The following MRPL1 variants were observed in gnomAD, a reference collection of about 807,000 sequenced individuals.
MRPL1 encodes the protein large ribosomal subunit protein uL1m.
In MRPL1, 28 loss-of-function variants were observed where a neutral mutation model predicts 38.0. The ratio of observed to expected loss-of-function variants is 0.74; its 90% confidence interval spans 0.55 to 1.01. The LOEUF (loss-of-function observed/expected upper bound fraction) is 1.01. Among genes scored for constraint, MRPL1 ranks in the 50% least tolerant of loss-of-function variants. MRPL1 has a pLI of 0.00. For synonymous variants in MRPL1, 123 were observed against 126.7 expected (o/e 0.97, Z 0.20); for missense variants, 358 against 389.8 (o/e 0.92, Z 0.69).
intron 3 of MRPL1, among the ~76,000 whole-genome samples, chr4:77,884,303 A>G (rs1175509489): frequency 6.6e-6 from 1 of 152,004 alleles, no homozygotes; most frequent in Non-Finnish European, 1.5e-5. Flanking sequence ...CCCGAGGAGG[A>G]TGTTTCTACT....
At chr4:77,868,249 T>G (rs1354265176) in intron 1 of MRPL1, among the ~76,000 whole-genome samples, 3 of 150,196 alleles carry the variant, frequency 2.0e-5, no homozygotes, top group Admixed American at 1.3e-4. Flanking sequence ...GTATATTTTG[T>G]TTTTTTTTCT....
At chr4:77,895,530 T>C (rs926671587) in intron 6 of MRPL1, among the ~76,000 whole-genome samples, 6 of 152,128 alleles carry the variant, frequency 3.9e-5, no homozygotes, top group African/African-American at 1.4e-4. Context: ...GGTATATTAT[T>C]ATTTCAAATA....
intron 7 of MRPL1, among the ~76,000 whole-genome samples, chr4:77,919,101 T>G (rs1736503849): frequency 1.3e-5 from 2 of 152,208 alleles, no homozygotes; most frequent in African/African-American, 4.8e-5. Context: ...CTCAAGAAAG[T>G]TAAAACGTGT....
chr4:77,908,657 A>G (rs927302267), intron 6 of MRPL1, among the ~76,000 whole-genome samples: 1 of 152,216 alleles, frequency 6.6e-6, no homozygotes, highest in Non-Finnish European at 1.5e-5. Flanking sequence ...TGGTGCAACA[A>G]TATTACCACA....
chr4:77,879,298 T>G (rs1016686566), intron 2 of MRPL1, among the ~76,000 whole-genome samples: 1 of 152,222 alleles, frequency 6.6e-6, no homozygotes, highest in Non-Finnish European at 1.5e-5. Context: ...CAGTTCTTTT[T>G]TTAAGAATGC....
intron 2 of MRPL1, among the ~76,000 whole-genome samples, chr4:77,877,420 G>T (rs1255027277): frequency 1.3e-5 from 2 of 151,370 alleles, no homozygotes; most frequent in African/African-American, 4.9e-5. Flanking sequence ...TTAGGGTGGG[G>T]GCTGGGTTGC....
At chr4:77,949,533 A>G (rs1014844708) in intron 7 of MRPL1, among the ~76,000 whole-genome samples, 15 of 152,138 alleles carry the variant, frequency 9.9e-5, no homozygotes, top group African/African-American at 3.6e-4. Context: ...GCTTTAGGGA[A>G]ATTACTTGGA....
At chr4:77,937,095 AG>A (rs1320097455) in intron 7 of MRPL1, among the ~76,000 whole-genome samples, 1 of 152,062 alleles carries the variant, frequency 6.6e-6, no homozygotes, top group Non-Finnish European at 1.5e-5. Context: ...ATTGCACTCC[AG>A]TCTGGGTGAC....
At chr4:77,934,836 G>C (rs1335234190) in intron 7 of MRPL1, among the ~76,000 whole-genome samples, 1 of 152,166 alleles carries the variant, frequency 6.6e-6, no homozygotes, top group Non-Finnish European at 1.5e-5. Flanking sequence ...GAATGCAATA[G>C]TATCAGCCTT....
At chr4:77,895,796 G>C (rs1010561640) in intron 6 of MRPL1, among the ~76,000 whole-genome samples, 3 of 152,050 alleles carry the variant, frequency 2.0e-5, no homozygotes, top group African/African-American at 4.8e-5. Flanking sequence ...TTTTGAACTG[G>C]TGTCTGGCAC....
At position 77,866,426 on chromosome 4, in the gene MRPL1, A is replaced by G. The variant is rs137964590; in HGVS notation, c.31+3547A>G. ...AAATATTAACTTACTGTTTCTTTTT[A>G]CCTTATATATTGTAGTTATTAGAAA... is the stretch of plus-strand genomic sequence containing the variant. On this transcript the variant is annotated intron_variant, in intron 1 of 8. Coordinates refer to ENST00000315567, the MANE Select transcript of MRPL1 (RefSeq NM_020236.4). Among the ~76,000 whole-genome samples the G allele has an allele frequency of 2.2e-3, 330 of 152,314 alleles. 1 individual carries two copies. Among genetic ancestry groups the G allele is most frequent in the Middle Eastern group, 3.4e-3 (1 of 294 alleles).
chr4:77,872,291 T>C (rs1735298781), intron 2 of MRPL1, among the ~76,000 whole-genome samples: 1 of 140,122 alleles, frequency 7.1e-6, no homozygotes, highest in African/African-American at 3.0e-5. Context: ...TTAATTTAAT[T>C]AAGAAATTAA....
At chr4:77,907,520 C>G (rs964990222) in intron 6 of MRPL1, among the ~76,000 whole-genome samples, 14 of 145,668 alleles carry the variant, frequency 9.6e-5, no homozygotes, top group African/African-American at 3.6e-4. Flanking sequence ...CTCCCCCTTC[C>G]TCCTTCCCTC....
chr4:77,877,332 GT>G (rs1735421166), intron 2 of MRPL1, among the ~76,000 whole-genome samples: 1 of 152,118 alleles, frequency 6.6e-6, no homozygotes, highest in African/African-American at 2.4e-5. Context: ...AGTCAATCTT[GT>G]CAGGAGTTGA....
At chr4:77,922,830 G>C (rs1272677298) in intron 7 of MRPL1, among the ~76,000 whole-genome samples, 1 of 152,186 alleles carries the variant, frequency 6.6e-6, no homozygotes, top group African/African-American at 2.4e-5. Flanking sequence ...CAGAAGCTCA[G>C]ATTTGGACCT....
intron 7 of MRPL1, among the ~76,000 whole-genome samples, chr4:77,939,840 T>C (rs1388867927): frequency 2.0e-5 from 3 of 152,252 alleles, no homozygotes; most frequent in Non-Finnish European, 4.4e-5. Flanking sequence ...TTGTCAAAGA[T>C]GAATTGGCTG....
intron 6 of MRPL1, among the ~76,000 whole-genome samples, chr4:77,899,286 C>T (rs1395463703): frequency 6.6e-6 from 1 of 151,708 alleles, no homozygotes; most frequent in Non-Finnish European, 1.5e-5. Flanking sequence ...GGATTACAGG[C>T]ATGTGCAACC....
At chr4:77,865,402 C>G (rs1205983196) in intron 1 of MRPL1, among the ~76,000 whole-genome samples, 1 of 151,770 alleles carries the variant, frequency 6.6e-6, no homozygotes, top group African/African-American at 2.4e-5. Flanking sequence ...TTTGTCCAGG[C>G]CAAAACCTCA....
rs969402527 is a variant in MRPL1 at position 77,863,461 on chromosome 4, A to ATTTTTTTTTTTTTTTTTTTTTT, written c.31+603_31+604insTTTTTTTTTTTTTTTTTTTTTT. On this transcript the variant is annotated intron_variant, in intron 1 of 8. Transcript: ENST00000315567. ...GATGACAGCCCTTTCTTGTGCAACAATTTTTTTTTTTTTTTTTTTTTGAGA... is the reference window on the plus strand; with the variant it reads ...GATGACAGCCCTTTCTTGTGCAACAATTTTTTTTTTTTTTTTTTTTTTTTTTTTTTTTTTTTTTTTTTTGAGA... 3.8e-4 allele frequency among the ~76,000 whole-genome samples: 43 copies of ATTTTTTTTTTTTTTTTTTTTTT among 112,654 alleles called. 3 individuals carry two copies. Among genetic ancestry groups the ATTTTTTTTTTTTTTTTTTTTTT allele is most frequent in the African/African-American group, 1.4e-3 (37 of 26,128 alleles). 73.9% of individuals were successfully genotyped at this position (112,654 alleles called of 152,430 possible).
Sources: allele counts gnomAD v4.1 joint callset (sites outside exome capture counted in the v4.1 genomes callset), GRCh38; gene constraint gnomAD v4.1.1; transcripts MANE v1.5; gene names NCBI Gene and HGNC (gene_info 2026-07-23, HGNC 2026-07-21).